FGD4: variants seen among roughly 807,000 people sequenced by gnomAD.
The protein encoded by FGD4 is FYVE, RhoGEF and PH domain-containing protein 4.
FGD4 carries 42 observed loss-of-function variants against 102.0 expected under a neutral mutation model. That is an observed-to-expected ratio of 0.41 (90% confidence interval 0.32 to 0.53). The LOEUF is 0.53. FGD4 is among the 20% of genes least tolerant of loss of function. The probability of loss-of-function intolerance (pLI) is 0.21; values close to 1 mark genes in which losing one functional copy is unlikely to be tolerated. For synonymous variants in FGD4, 380 were observed against 375.7 expected, an observed-to-expected ratio of 1.01 and a Z score of -0.13; for missense variants, 902 against 1,078.2, an observed-to-expected ratio of 0.84 and a Z score of 2.29.
intron 1 of FGD4, among the ~76,000 whole-genome samples, chr12:32,553,980 T>C (rs1056118468): frequency 6.6e-6 from 1 of 152,104 alleles, no homozygotes; most frequent in Non-Finnish European, 1.5e-5. Flanking sequence ...TAGTCACAGC[T>C]ACTCAGGAGG....
intron 1 of FGD4, among the ~76,000 whole-genome samples, chr12:32,448,524 G>T (rs1251925014): frequency 6.6e-6 from 1 of 152,088 alleles, no homozygotes; most frequent in African/African-American, 2.4e-5. Context: ...AGGTGCGGTG[G>T]CACATGCCTG....
chr12:32,453,033 T>G (rs1430573583), intron 1 of FGD4, among the ~76,000 whole-genome samples: 1 of 151,512 alleles, frequency 6.6e-6, no homozygotes, highest in Non-Finnish European at 1.5e-5. Flanking sequence ...GAACTTTCTA[T>G]TATAGAAAAT....
chr12:32,596,876 G>A (rs4931028), intron 4 of FGD4, among the ~76,000 whole-genome samples: 12,817 of 151,252 alleles, frequency 0.085, 701 homozygotes, highest in Middle Eastern at 0.18. Flanking sequence ...CAGAGGTTGC[G>A]GTGAGCCGAG....
At chr12:32,561,675 A>G (rs1406363513) in intron 1 of FGD4, among the ~76,000 whole-genome samples, 1 of 152,200 alleles carries the variant, frequency 6.6e-6, no homozygotes, top group Non-Finnish European at 1.5e-5. Flanking sequence ...AGTGGTCTTA[A>G]TATCACCATG....
chr12:32,426,510 T>C (rs909925305), intron 1 of FGD4, among the ~76,000 whole-genome samples: 2 of 152,224 alleles, frequency 1.3e-5, no homozygotes, highest in Non-Finnish European at 2.9e-5. Context: ...ATCAGGGATA[T>C]TGGCCTGAAA....
intron 1 of FGD4, among the ~76,000 whole-genome samples, 163 bp downstream of exon 1, chr12:32,400,122 C>T (rs990551491): frequency 2.0e-5 from 3 of 152,240 alleles, no homozygotes; most frequent in Non-Finnish European, 4.4e-5. Context: ...ACTCCCTTAG[C>T]TATGCTGTCC....
At chr12:32,446,075 C>A (rs1394346714) in intron 1 of FGD4, among the ~76,000 whole-genome samples, 2 of 152,080 alleles carry the variant, frequency 1.3e-5, no homozygotes, top group Admixed American at 1.3e-4. Flanking sequence ...ATCACCTGAC[C>A]CTAGAAGGTC....
chr12:32,588,762 C>T (rs1211847085), intron 4 of FGD4, among the ~76,000 whole-genome samples: 1 of 152,188 alleles, frequency 6.6e-6, no homozygotes, highest in Non-Finnish European at 1.5e-5. Context: ...ATCAGCAAGT[C>T]AGCAGTGCCA....
At chr12:32,580,840 T>C (rs1401623638) in intron 3 of FGD4, among the ~76,000 whole-genome samples, 1 of 151,016 alleles carries the variant, frequency 6.6e-6, no homozygotes. Context: ...TGAGCCAAGA[T>C]TGCGCCACTG....
rs1946931500 is a variant in FGD4, at chr12:32,585,255, TATG to T, written c.1011+2789_1011+2791del. On this transcript the variant is annotated intron_variant, in intron 4 of 16. Transcript: ENST00000534526. ...ATATATATATATATATATATATATA[TATG>T]TATATCTTAAAGGCAACTTTTCTTT... 3.7e-5 allele frequency among the ~76,000 whole-genome samples: 5 copies of T among 136,678 alleles called. No homozygotes were observed. In the South Asian group the frequency reaches 1.1e-3, roughly 30 times the overall value. 89.7% of individuals were successfully genotyped at this position (136,678 alleles called of 152,430 possible). A position where few individuals can be genotyped will look rare whatever the true frequency, so the allele number is the denominator to read the frequency against.
At chr12:32,562,067 A>G (rs1000819051) in intron 1 of FGD4, among the ~76,000 whole-genome samples, 4 of 152,128 alleles carry the variant, frequency 2.6e-5, no homozygotes, top group African/African-American at 9.7e-5. Context: ...TAGAGTCTTT[A>G]GGTCAGCTGT....
intron 1 of FGD4, among the ~76,000 whole-genome samples, chr12:32,444,668 G>A (rs1207814325): frequency 6.6e-6 from 1 of 152,192 alleles, no homozygotes; most frequent in African/African-American, 2.4e-5. Context: ...GCTTCCTAAA[G>A]TGCTGAGATT....
chr12:32,614,073 TGAAGAGGACTGACAATGAACAGCA>T (rs1470590310), intron 10 of FGD4, among the ~76,000 whole-genome samples: 15 of 152,116 alleles, frequency 9.9e-5, no homozygotes, highest in African/African-American at 3.6e-4. Context: ...CTGCCCTAAT[TGAAGAGGACTGACAATGAACAGCA>T]GAAGCAGTAG....
intron 1 of FGD4, among the ~76,000 whole-genome samples, chr12:32,443,534 G>GT (rs1178483915): frequency 0.047 from 5,587 of 118,302 alleles, 219 homozygotes; most frequent in South Asian, 0.091. Context: ...TGTGTTTTAG[G>GT]TTTTTTTTTT....
chr12:32,448,377 C>T (rs1261996488), intron 1 of FGD4, among the ~76,000 whole-genome samples: 1 of 151,948 alleles, frequency 6.6e-6, no homozygotes, highest in Non-Finnish European at 1.5e-5. Context: ...GGGTGCTTGG[C>T]TGGGCGCGGG....
intron 11 of FGD4, among the ~76,000 whole-genome samples, chr12:32,620,520 C>CTTTTTTTTT (rs1233071153): frequency 3.3e-5 from 3 of 91,128 alleles, no homozygotes; most frequent in East Asian, 3.4e-4. Context: ...TTTTTTCTTT[C>CTTTTTTTTT]TTTTTTTTTT....
At chr12:32,600,584 C>CTTTTTT (rs776556112) in intron 5 of FGD4, 3,267 of 267,598 alleles carry the variant, frequency 0.012, 114 homozygotes, top group Admixed American at 0.041. Flanking sequence ...TTCTTTCTTT[C>CTTTTTT]TTTCTTTCTT....
chr12:32,541,528 G>A (rs1010746345), intron 1 of FGD4, among the ~76,000 whole-genome samples: 1 of 152,126 alleles, frequency 6.6e-6, no homozygotes, highest in Non-Finnish European at 1.5e-5. Context: ...ACCACACCCA[G>A]CTAATTTTTG....
chr12:32,569,447 C>T (rs1280073747), intron 2 of FGD4, among the ~76,000 whole-genome samples: 1 of 152,204 alleles, frequency 6.6e-6, no homozygotes, highest in Non-Finnish European at 1.5e-5. Context: ...TCCTGCTGGC[C>T]TCCAGACCCC....
Sources: gnomAD v4.1 joint callset for allele counts (sites outside exome capture counted in the v4.1 genomes callset) on GRCh38, gnomAD v4.1.1 for gene constraint, MANE v1.5 for transcripts, NCBI Gene and HGNC (gene_info 2026-07-23, HGNC 2026-07-21) for gene names.